CRPPA: variants seen among roughly 807,000 people sequenced by gnomAD.
CRPPA encodes D-ribitol-5-phosphate cytidylyltransferase.
CRPPA carries 43 observed loss-of-function variants against 52.0 expected under a neutral mutation model. The ratio of observed to expected loss-of-function variants is 0.83; its 90% CI spans 0.65 to 1.07. The LOEUF (loss-of-function observed/expected upper bound fraction) is 1.07, where lower values mean the gene tolerates loss of function less well. Among genes scored for constraint, CRPPA ranks in the 50% least tolerant of loss-of-function variants. The pLI, the probability that CRPPA is intolerant of heterozygous loss-of-function variation, is 0.00. For missense variants in CRPPA, 629 were observed against 551.7 expected, an observed-to-expected ratio of 1.14 and a Z score of -1.40; for synonymous variants, 250 against 203.5, an observed-to-expected ratio of 1.23 and a Z score of -1.94.
rs374295178 is a variant in CRPPA, at chr7:16,290,660, T to C, written c.835+10761A>G. ...AAATAAACTCAAAATAGGTTAAAGA[T>C]ATAAATGTAAGATGCAAAACTATGA... is the stretch of plus-strand genomic sequence containing the variant. On this transcript the variant is annotated intron_variant, in intron 5 of 9. Coordinates refer to ENST00000407010, the MANE Select transcript of CRPPA (RefSeq NM_001101426.4). 1.1e-4 allele frequency among the ~76,000 whole-genome samples: 16 copies of C among 152,132 alleles called. No individual in the cohort carries two copies. The South Asian group carries it at 3.3e-3, about 32-fold the overall frequency.
At chr7:16,165,079 G>C (rs1417525996) in intron 9 of CRPPA, among the ~76,000 whole-genome samples, 1 of 152,108 alleles carries the variant, frequency 6.6e-6, no homozygotes, top group Non-Finnish European at 1.5e-5. Context: ...GAACGTTTAA[G>C]TCTGCTAAGG....
At chr7:16,315,554 T>C (rs1785127233) in intron 3 of CRPPA, among the ~76,000 whole-genome samples, 1 of 152,148 alleles carries the variant, frequency 6.6e-6, no homozygotes, top group African/African-American at 2.4e-5. Context: ...GACAATAGTT[T>C]AGGCCTTTAT....
intron 5 of CRPPA, among the ~76,000 whole-genome samples, chr7:16,299,636 A>G (rs1397031674): frequency 1.3e-5 from 2 of 152,204 alleles, no homozygotes; most frequent in African/African-American, 4.8e-5. Flanking sequence ...CTAAAATATA[A>G]GGAAACTAAA....
chr7:16,271,132 C>G (rs1461780401), intron 6 of CRPPA, among the ~76,000 whole-genome samples: 2 of 152,128 alleles, frequency 1.3e-5, no homozygotes, highest in Non-Finnish European at 2.9e-5. Context: ...TTACGTCCTC[C>G]AGGAAACAGG....
At chr7:16,263,654 G>T (rs1783872798) in intron 6 of CRPPA, among the ~76,000 whole-genome samples, 1 of 152,082 alleles carries the variant, frequency 6.6e-6, no homozygotes, top group Non-Finnish European at 1.5e-5. Context: ...TTGAGAGGCT[G>T]AGGCAGAGAA....
intron 9 of CRPPA, among the ~76,000 whole-genome samples, chr7:16,174,256 TG>T (rs757406361): frequency 6.6e-6 from 1 of 151,976 alleles, no homozygotes; most frequent in Non-Finnish European, 1.5e-5. Context: ...ACCTCAAGGA[TG>T]GGGGGAAAAT....
intron 9 of CRPPA, among the ~76,000 whole-genome samples, chr7:16,146,693 G>C (rs937729972): frequency 2.0e-5 from 3 of 152,122 alleles, no homozygotes; most frequent in African/African-American, 7.2e-5. Context: ...TATCTTAAAA[G>C]AGACTGTTAT....
At chr7:16,105,281 C>T (rs976197239) in intron 9 of CRPPA, among the ~76,000 whole-genome samples, 6 of 152,144 alleles carry the variant, frequency 3.9e-5, no homozygotes, top group South Asian at 4.1e-4. Context: ...TCCATAGAAA[C>T]GAATGAAGTT....
intron 9 of CRPPA, among the ~76,000 whole-genome samples, chr7:16,154,788 T>C (rs1382810662): frequency 6.6e-6 from 1 of 151,462 alleles, no homozygotes; most frequent in Admixed American, 6.6e-5. Flanking sequence ...TTGACAAATA[T>C]CGTCAATATT....
intron 9 of CRPPA, among the ~76,000 whole-genome samples, 191 bp from the exon 10 acceptor site, chr7:16,091,990 G>A (rs1272888236): frequency 6.6e-6 from 1 of 152,178 alleles, no homozygotes; most frequent in Non-Finnish European, 1.5e-5. Context: ...TTTCATTATA[G>A]ACCAAAAAAT....
At chr7:16,380,254 G>T (rs1787042186) in intron 2 of CRPPA, among the ~76,000 whole-genome samples, 1 of 151,332 alleles carries the variant, frequency 6.6e-6, no homozygotes, top group African/African-American at 2.4e-5. Flanking sequence ...TAATCATGTG[G>T]TTTTTGTCTT....
chr7:16,357,849 C>CGGGTGCAG (rs1250622591), intron 3 of CRPPA, among the ~76,000 whole-genome samples: 1 of 152,112 alleles, frequency 6.6e-6, no homozygotes. Context: ...TGCAGCCCAC[C>CGGGTGCAG]GGATGGCAGG....
intron 8 of CRPPA, among the ~76,000 whole-genome samples, chr7:16,223,731 T>A (rs2128400941): frequency 6.6e-6 from 1 of 152,318 alleles, no homozygotes; most frequent in Non-Finnish European, 1.5e-5. Flanking sequence ...AGCAGAGGGT[T>A]GCAAAATGGT....
chr7:16,128,329 T>G (rs1782619281), intron 9 of CRPPA, among the ~76,000 whole-genome samples: 1 of 152,176 alleles, frequency 6.6e-6, no homozygotes, highest in South Asian at 2.1e-4. Context: ...GATGTAATTT[T>G]ATAATTTAAA....
chr7:16,141,684 C>A (rs2128375961), intron 9 of CRPPA, among the ~76,000 whole-genome samples: 1 of 152,296 alleles, frequency 6.6e-6, no homozygotes, highest in Non-Finnish European at 1.5e-5. Context: ...CAAACTCAAG[C>A]CAAACATCTG....
rs1262751345 is a variant in CRPPA, at chr7:16,380,304, G to A, written c.535-4063C>T. On this transcript the variant is annotated intron_variant, in intron 2 of 9. Coordinates refer to ENST00000407010, the MANE Select transcript of CRPPA (RefSeq NM_001101426.4). ...TGCTGGATTACATTTATTGATTTGC[G>A]TATATTGAACCAGCCTTGCATCCCA... Among the ~76,000 whole-genome samples, 11 of 151,230 alleles carry A rather than the reference G, an allele frequency of 7.3e-5. No individual in the cohort carries two copies. In the East Asian group the frequency reaches 7.7e-4, roughly 11 times the overall value.
chr7:16,296,378 A>G (rs1784675667), intron 5 of CRPPA, among the ~76,000 whole-genome samples: 1 of 152,280 alleles, frequency 6.6e-6, no homozygotes, highest in South Asian at 2.1e-4. Context: ...ACATAAATTA[A>G]GATGGACCAA....
intron 9 of CRPPA, among the ~76,000 whole-genome samples, chr7:16,149,008 C>T (rs1277876077): frequency 6.6e-6 from 1 of 152,102 alleles, no homozygotes; most frequent in Non-Finnish European, 1.5e-5. Context: ...AATATGTTTT[C>T]TACTCTGAAA....
At chr7:16,340,876 A>C (rs1785805713) in intron 3 of CRPPA, among the ~76,000 whole-genome samples, 1 of 152,186 alleles carries the variant, frequency 6.6e-6, no homozygotes, top group Non-Finnish European at 1.5e-5. Context: ...TAGGTGAATG[A>C]ATATAGAAAC....
Sources: allele counts gnomAD v4.1 joint callset (sites outside exome capture counted in the v4.1 genomes callset), GRCh38; gene constraint gnomAD v4.1.1; transcripts MANE v1.5; gene names NCBI Gene and HGNC (gene_info 2026-07-23, HGNC 2026-07-21).